PTPRN2: variants seen among roughly 807,000 people sequenced by gnomAD.
PTPRN2 encodes the protein receptor-type tyrosine-protein phosphatase N2.
A neutral mutation model predicts 118.8 loss-of-function variants in PTPRN2; 74 were observed. The ratio of observed to expected loss-of-function variants is 0.62; its 90% CI spans 0.52 to 0.76. PTPRN2 has a LOEUF of 0.76. Ranked by LOEUF, PTPRN2 falls within the 30% of genes least tolerant of loss-of-function variation. The probability of loss-of-function intolerance (pLI) is 0.00; values close to 1 mark genes in which losing one functional copy is unlikely to be tolerated. For synonymous variants in PTPRN2, 641 were observed against 608.0 expected, an observed-to-expected ratio of 1.05 and a Z score of -0.80; for missense variants, 1,481 against 1,394.4, an observed-to-expected ratio of 1.06 and a Z score of -0.99.
intron 11 of PTPRN2, among the ~76,000 whole-genome samples, chr7:158,017,977 G>A (rs749186093): frequency 3.9e-5 from 6 of 152,190 alleles, no homozygotes; most frequent in Middle Eastern, 3.4e-3. Flanking sequence ...TGTGGGCTGG[G>A]GCCTGGATGT....
chr7:158,229,377 TG>T (rs1283364226), intron 3 of PTPRN2, among the ~76,000 whole-genome samples: 1 of 151,996 alleles, frequency 6.6e-6, no homozygotes, highest in Non-Finnish European at 1.5e-5. Context: ...TGGGAAACCA[TG>T]GCCTTCTCAA....
At position 158,400,079 on chromosome 7, in the gene PTPRN2, C is replaced by T. The variant is rs149276571; in HGVS notation, c.164-83147G>A. Among the ~76,000 whole-genome samples, 120 of 152,282 alleles carry T rather than the reference C, an allele frequency of 7.9e-4. 3 individuals are homozygous for T. The East Asian group carries it at 0.018, about 23-fold the overall frequency. ...TACTGGGGTGAGGAGAGGAAGTAAA[C>T]GCTTTTCTCATGTAACAGATGCCTT... is the stretch of plus-strand genomic sequence containing the variant. On this transcript the variant is annotated intron_variant, in intron 2 of 22. Coordinates refer to ENST00000389418, the MANE Select transcript of PTPRN2 (RefSeq NM_002847.5).
chr7:158,049,199 T>TATC (rs985542467), intron 11 of PTPRN2, among the ~76,000 whole-genome samples: 8 of 150,250 alleles, frequency 5.3e-5, no homozygotes, highest in African/African-American at 1.2e-4. Flanking sequence ...ACAGCATCAC[T>TATC]ATCATCATCA....
Position 158,311,434 on chromosome 7 carries a change from A to G in PTPRN2, c.277+5385T>C, listed in dbSNP as rs370148259. On this transcript the variant is annotated intron_variant, in intron 3 of 22. Transcript: ENST00000389418. The stretch of plus-strand genomic sequence containing the variant: ...AGTGACATTTAAATGCTGAATTTTA[A>G]TGGCTTGTCAGAAAAAGTGAAATGT... Among the ~76,000 whole-genome samples, 39 of 152,336 alleles carry G rather than the reference A, an allele frequency of 2.6e-4. No individual in the cohort carries two copies. The East Asian group carries it at 5.6e-3, about 22-fold the overall frequency.
At chr7:157,542,128 G>C (rs191340959) in intron 22 of PTPRN2, among the ~76,000 whole-genome samples, 1 of 152,176 alleles carries the variant, frequency 6.6e-6, no homozygotes, top group African/African-American at 2.4e-5. Context: ...CTGCCCCTGT[G>C]GGGGCAGGGG....
At chr7:158,556,156 G>A (rs1329364876) in intron 1 of PTPRN2, among the ~76,000 whole-genome samples, 1 of 152,234 alleles carries the variant, frequency 6.6e-6, no homozygotes, top group East Asian at 1.9e-4. Context: ...ATAGAGGATA[G>A]ATATAGATGG....
chr7:158,312,793 G>A (rs1255949509), intron 3 of PTPRN2, among the ~76,000 whole-genome samples: 4 of 149,828 alleles, frequency 2.7e-5, no homozygotes, highest in Admixed American at 2.0e-4. Flanking sequence ...ACACACACCT[G>A]CACACTCATT....
At chr7:158,499,797 G>A (rs1563363765) in intron 1 of PTPRN2, among the ~76,000 whole-genome samples, 1 of 145,382 alleles carries the variant, frequency 6.9e-6, no homozygotes, top group Non-Finnish European at 1.5e-5. Flanking sequence ...GTGTGTGTGT[G>A]TGTGTGTGTG....
intron 4 of PTPRN2, among the ~76,000 whole-genome samples, chr7:158,201,817 G>A (rs2150735587): frequency 6.6e-6 from 1 of 152,268 alleles, no homozygotes; most frequent in East Asian, 1.9e-4. Flanking sequence ...CCTGCTTTGA[G>A]TTGTCCCACC....
At chr7:158,189,508 T>C (rs1825590644) in intron 5 of PTPRN2, among the ~76,000 whole-genome samples, 1 of 152,146 alleles carries the variant, frequency 6.6e-6, no homozygotes, top group Non-Finnish European at 1.5e-5. Flanking sequence ...CTCTATTCAG[T>C]AGCCCGTGAA....
Position 158,015,488 on chromosome 7 carries a change from G to A in PTPRN2, c.1723+65810C>T, listed in dbSNP as rs74902100. 2.7e-5 allele frequency among the ~76,000 whole-genome samples: 4 copies of A among 150,050 alleles called. No homozygotes were observed. Among genetic ancestry groups the A allele is most frequent in the Admixed American group, 6.7e-5 (1 of 15,030 alleles). Reference sequence around the variant, plus strand: ...GAGAGAGAGGAAGAGAGGGAGAGAGGGAGAGAGGGAGATAGAGGGAGGGGT... The same window carrying A: ...GAGAGAGAGGAAGAGAGGGAGAGAGAGAGAGAGGGAGATAGAGGGAGGGGT... On this transcript the variant is annotated intron_variant, in intron 11 of 22. Coordinates refer to ENST00000389418, the MANE Select transcript of PTPRN2 (RefSeq NM_002847.5). The surrounding 1 kb of genome is among the most constrained non-coding windows in gnomAD (Gnocchi z 4.2).
At chr7:158,324,974 GT>G (rs1458974974) in intron 2 of PTPRN2, among the ~76,000 whole-genome samples, 1 of 152,006 alleles carries the variant, frequency 6.6e-6, no homozygotes. Flanking sequence ...GACGCTAACT[GT>G]GCATCTGCTG....
At chr7:157,885,500 C>T (rs146942689) in intron 12 of PTPRN2, among the ~76,000 whole-genome samples, 85 of 152,274 alleles carry the variant, frequency 5.6e-4, no homozygotes, top group African/African-American at 8.7e-4. Context: ...ACCCGCCTGA[C>T]GCTGGAAACA....
chr7:157,885,795 G>C (rs1796419483), intron 12 of PTPRN2, among the ~76,000 whole-genome samples: 1 of 152,272 alleles, frequency 6.6e-6, no homozygotes, highest in Non-Finnish European at 1.5e-5. Context: ...AGTGCGACCT[G>C]GCCTGAGTCA....
intron 1 of PTPRN2, among the ~76,000 whole-genome samples, chr7:158,502,222 C>A (rs568840865): frequency 4.6e-5 from 7 of 152,330 alleles, no homozygotes; most frequent in African/African-American, 1.7e-4. Flanking sequence ...TTTATGGAAA[C>A]ACAGCCACGC....
intron 19 of PTPRN2, chr7:157,574,412 T>C (rs574418919): frequency 1.9e-6 from 1 of 533,548 alleles, no homozygotes; most frequent in East Asian, 5.5e-5. Context: ...AAAATGACAC[T>C]GGCCACCGCT....
chr7:157,885,980 C>T (rs574307151), intron 12 of PTPRN2, among the ~76,000 whole-genome samples: 6 of 152,182 alleles, frequency 3.9e-5, no homozygotes, highest in African/African-American at 9.7e-5. Flanking sequence ...GTGCTGCTGC[C>T]GTTCTGAAAA....
chr7:158,365,822 A>C (rs4909202), intron 2 of PTPRN2, among the ~76,000 whole-genome samples: 103,311 of 113,204 alleles, frequency 0.91, 47,081 homozygotes, highest in Non-Finnish European at 0.93. Context: ...GAAGCCGCAG[A>C]CCAGTGCATG....
chr7:158,262,725 CACAT>C (rs200402369), intron 3 of PTPRN2, among the ~76,000 whole-genome samples: 1,630 of 150,834 alleles, frequency 0.011, 25 homozygotes, highest in African/African-American at 0.031. Context: ...ACATTGCGCA[CACAT>C]ACATTCACAC....
Sources: gnomAD v4.1 joint callset for allele counts (sites outside exome capture counted in the v4.1 genomes callset) on GRCh38, gnomAD v4.1.1 for gene constraint, Gnocchi (gnomAD v3.1) non-coding constraint, MANE v1.5 for transcripts, NCBI Gene and HGNC (gene_info 2026-07-23, HGNC 2026-07-21) for gene names.